Variants in USP13 observed in about 807,000 individuals in gnomAD.
The protein encoded by USP13 is ubiquitin carboxyl-terminal hydrolase 13.
USP13 carries 68 observed loss-of-function variants against 107.8 expected under a neutral mutation model. That is an observed-to-expected ratio of 0.63 (90% CI 0.52 to 0.77). USP13 has a LOEUF of 0.77. Among genes scored for constraint, USP13 ranks in the 30% least tolerant of loss-of-function variants. USP13 has a pLI of 0.00. For missense variants in USP13, 945 were observed against 1,093.3 expected (o/e 0.86, Z 1.91); for synonymous variants, 377 against 389.5 (o/e 0.97, Z 0.38).
At chr3:179,713,760 C>T (rs1022005969) in intron 6 of USP13, among the ~76,000 whole-genome samples, 1 of 152,088 alleles carries the variant, frequency 6.6e-6, no homozygotes, top group Non-Finnish European at 1.5e-5. Flanking sequence ...GCTTAGTGAA[C>T]GTGGAATCCA....
At chr3:179,756,944 C>A in intron 15 of USP13, 108 bp from the exon 16 acceptor site, 1 of 1,152,188 alleles carries the variant, frequency 8.7e-7, no homozygotes, top group Non-Finnish European at 1.3e-6. Flanking sequence ...GTGTGGTCCC[C>A]AGGAGTGGGG....
intron 3 of USP13, among the ~76,000 whole-genome samples, chr3:179,694,438 A>G (rs1712214652): frequency 6.6e-6 from 1 of 151,972 alleles, no homozygotes; most frequent in South Asian, 2.1e-4. Context: ...TTCCAACCTC[A>G]TGGTCACCTT....
At chr3:179,697,583 G>A (rs1025143571) in intron 3 of USP13, among the ~76,000 whole-genome samples, 2 of 152,130 alleles carry the variant, frequency 1.3e-5, no homozygotes, top group African/African-American at 4.8e-5. Flanking sequence ...GCTTTCTTGG[G>A]TATTGCCACT....
Position 179,765,676 on chromosome 3 carries a change from G to T in USP13, c.2260-19G>T. The stretch of plus-strand genomic sequence containing the variant: ...GGCTGCATGCATTGTAAAAACATCT[G>T]TTTCTTTTTTGTTGTTAGAATAATA... On this transcript the variant is annotated intron_variant, in intron 18 of 20. Transcript: ENST00000263966. The T allele has an allele frequency of 6.2e-7, 1 of 1,613,102 alleles. No individual in the cohort carries two copies. Among genetic ancestry groups the T allele is most frequent in the Non-Finnish European group, 8.5e-7 (1 of 1,179,484 alleles).
At chr3:179,724,473 AAAAG>A (rs1285023484) in intron 8 of USP13, among the ~76,000 whole-genome samples, 1 of 151,432 alleles carries the variant, frequency 6.6e-6, no homozygotes, top group Non-Finnish European at 1.5e-5. Context: ...AAAAAAAAAA[AAAAG>A]AAAGAAATAA....
intron 2 of USP13, among the ~76,000 whole-genome samples, chr3:179,688,581 G>T (rs1389570286): frequency 6.6e-6 from 1 of 152,176 alleles, no homozygotes; most frequent in Non-Finnish European, 1.5e-5. Flanking sequence ...TGATGCAGAG[G>T]TGATGGTCTT....
At chr3:179,766,270 G>T (rs1047208273) in intron 19 of USP13, among the ~76,000 whole-genome samples, 1 of 152,090 alleles carries the variant, frequency 6.6e-6, no homozygotes, top group African/African-American at 2.4e-5. Context: ...GAGCCACCAT[G>T]CCTGGCCAGA....
At chr3:179,783,680 A>T (rs1715822144) in intron 20 of USP13, among the ~76,000 whole-genome samples, 1 of 152,192 alleles carries the variant, frequency 6.6e-6, no homozygotes, top group Non-Finnish European at 1.5e-5. Context: ...ACATTTTAGT[A>T]ACTACTTTTT....
In USP13 at chr3:179,750,637, A is replaced by G. The variant is rs112122864; in HGVS notation, c.1710-1648A>G. ...CCTGGAGGTAAAATACAGATAAGTG[A>G]CAGTTCAATTCAGCATCCAAGGCTT... is the stretch of plus-strand genomic sequence containing the variant. On this transcript the variant is annotated intron_variant, in intron 13 of 20. Transcript: ENST00000263966. Among the ~76,000 whole-genome samples the G allele has an allele frequency of 2.6e-3, 400 of 152,338 alleles. 6 individuals are homozygous for G. The highest frequency in any genetic ancestry group is 9.1e-3 in the African/African-American group (380 of 41,574).
At chr3:179,659,360 C>T (rs1181464195) in intron 1 of USP13, among the ~76,000 whole-genome samples, 2 of 152,182 alleles carry the variant, frequency 1.3e-5, no homozygotes, top group Non-Finnish European at 2.9e-5. Context: ...TGACATCTCA[C>T]ATGTATATAG....
rs1712067373 is a variant in USP13, at chr3:179,690,257, C to T, written c.311C>T (p.Ser104Phe). The T allele has an allele frequency of 1.9e-6, 3 of 1,613,782 alleles. 1 individual carries two copies. The South Asian group carries it at 3.3e-5, about 18-fold the overall frequency. Residue 104 changes from serine to phenylalanine, a missense_variant, in exon 3 of 21, where the codon TCT becomes TTT. Transcript: ENST00000263966. ...TCTTTTCAGAAGGTAAGAGGGGCGTCTGGTGGAGCGTTACCAAAAAGGAGG... is the reference window on the plus strand; with the variant it reads ...TCTTTTCAGAAGGTAAGAGGGGCGTTTGGTGGAGCGTTACCAAAAAGGAGG... Reference protein sequence around the residue: ...RHVREKVRGASGGALPKRRNS... With the variant: ...RHVREKVRGAFGGALPKRRNS...
intron 6 of USP13, among the ~76,000 whole-genome samples, chr3:179,713,283 G>A (rs894782149): frequency 4.0e-5 from 6 of 151,890 alleles, no homozygotes; most frequent in Non-Finnish European, 3.0e-5. Flanking sequence ...TGATTCCTGC[G>A]AATATTGTGC....
At chr3:179,670,574 G>A (rs537796510) in intron 1 of USP13, among the ~76,000 whole-genome samples, 6 of 152,196 alleles carry the variant, frequency 3.9e-5, no homozygotes, top group Middle Eastern at 3.4e-3. Flanking sequence ...GAGGTTACAC[G>A]CCGTATCACC....
intron 11 of USP13, among the ~76,000 whole-genome samples, chr3:179,740,801 C>T (rs1714166091): frequency 6.6e-6 from 1 of 150,832 alleles, no homozygotes; most frequent in South Asian, 2.1e-4. Context: ...GAGTCTAGCT[C>T]TGTTGCCCAG....
At chr3:179,776,802 A>C (rs1715554158) in intron 19 of USP13, among the ~76,000 whole-genome samples, 3 of 151,882 alleles carry the variant, frequency 2.0e-5, no homozygotes, top group Admixed American at 2.0e-4. Flanking sequence ...GACTTTCATC[A>C]GAAAAACTTA....
chr3:179,786,225 C>A lies in USP13; in HGVS notation c.*2084C>A, dbSNP rs1407322606. 1 of 152,078 alleles carries A rather than the reference C, an allele frequency of 6.6e-6. No individual in the cohort carries two copies. Among genetic ancestry groups the A allele is most frequent in the African/African-American group, 2.4e-5 (1 of 41,394 alleles). The allele number at this position is 152,078 out of a possible 1,614,324, so 9.4% of individuals were successfully genotyped here. On this transcript the variant is annotated 3_prime_UTR_variant, in exon 21 of 21. Coordinates refer to ENST00000263966, the MANE Select transcript of USP13 (RefSeq NM_003940.3). ...AGTCCCCTTAGGGCAGAGTGAGTGT[C>A]ATAGAATAATGACTCCAAACCCACG...
In USP13 at chr3:179,775,267, T is replaced by C. The variant is rs139950434; in HGVS notation, c.2414-6472T>C. Among the ~76,000 whole-genome samples the C allele has an allele frequency of 2.0e-3, 304 of 152,134 alleles. 4 individuals are homozygous for C. Among genetic ancestry groups the C allele is most frequent in the African/African-American group, 7.1e-3 (294 of 41,424 alleles). On this transcript the variant is annotated intron_variant, in intron 19 of 20. Coordinates refer to ENST00000263966, the MANE Select transcript of USP13 (RefSeq NM_003940.3). Reference sequence around the variant, plus strand: ...TAGACACAGAGTGCTGATTGGTGCATTTACAATCCTTTAGCTAGATGTAAA... The same window carrying C: ...TAGACACAGAGTGCTGATTGGTGCACTTACAATCCTTTAGCTAGATGTAAA...
chr3:179,770,753 C>A (rs7610328), intron 19 of USP13, among the ~76,000 whole-genome samples: 2 of 151,980 alleles, frequency 1.3e-5, no homozygotes, highest in Non-Finnish European at 2.9e-5. Flanking sequence ...TACAGGCACG[C>A]GCCACCACAC....
Position 179,786,965 on chromosome 3 carries a change from T to C in USP13, c.*2824T>C, listed in dbSNP as rs1715930094. The C allele has an allele frequency of 6.6e-6, 1 of 152,212 alleles. No homozygotes were observed. Among genetic ancestry groups the C allele is most frequent in the African/African-American group, 2.4e-5 (1 of 41,464 alleles). The allele number at this position is 152,212 out of a possible 1,614,324, so 9.4% of individuals were successfully genotyped here. Reference sequence around the variant, plus strand: ...GTATCAAAGTTTTTATTTTGCCAATTGATCTAAATGCCCATATAACTAATC... The same window carrying C: ...GTATCAAAGTTTTTATTTTGCCAATCGATCTAAATGCCCATATAACTAATC... On this transcript the variant is annotated 3_prime_UTR_variant, in exon 21 of 21. Coordinates refer to ENST00000263966, the MANE Select transcript of USP13 (RefSeq NM_003940.3).
Sources: gnomAD v4.1 joint callset for allele counts (sites outside exome capture counted in the v4.1 genomes callset) on GRCh38, gnomAD v4.1.1 for gene constraint, MANE v1.5 for transcripts, NCBI Gene and HGNC (gene_info 2026-07-23, HGNC 2026-07-21) for gene names.